Variants in PHACTR1 observed in about 807,000 individuals in gnomAD.
The protein encoded by PHACTR1 is phosphatase and actin regulator 1.
A neutral mutation model predicts 69.2 loss-of-function variants in PHACTR1; 16 were observed. The observed-to-expected ratio is 0.23, with a 90% CI of 0.16 to 0.35. The LOEUF (loss-of-function observed/expected upper bound fraction) is 0.35, where lower values mean the gene tolerates loss of function less well. Among genes scored for constraint, PHACTR1 ranks in the 10% least tolerant of loss-of-function variants. PHACTR1 has a pLI of 1.00. For synonymous variants in PHACTR1, 312 were observed against 284.5 expected, an observed-to-expected ratio of 1.10 and a Z score of -0.97; for missense variants, 510 against 734.7, an observed-to-expected ratio of 0.69 and a Z score of 3.54.
chr6:13,138,961 C>T (rs778134015), intron 5 of PHACTR1, among the ~76,000 whole-genome samples: 2 of 152,112 alleles, frequency 1.3e-5, no homozygotes, highest in East Asian at 1.9e-4. Flanking sequence ...TATAAGCTTA[C>T]GTTGATTTTC....
At chr6:12,818,232 G>A (rs1358832318) in intron 4 of PHACTR1, among the ~76,000 whole-genome samples, 4 of 152,170 alleles carry the variant, frequency 2.6e-5, no homozygotes, top group Non-Finnish European at 5.9e-5. Flanking sequence ...TCAGGAATCT[G>A]TGACTTGGCT....
chr6:12,811,398 C>T (rs748513070), intron 4 of PHACTR1, among the ~76,000 whole-genome samples: 93 of 152,200 alleles, frequency 6.1e-4, no homozygotes, highest in Middle Eastern at 6.8e-3. Flanking sequence ...CTGAAAATAA[C>T]TTGTGGGTTT....
At chr6:12,986,939 G>A (rs1484730378) in intron 4 of PHACTR1, among the ~76,000 whole-genome samples, 1 of 152,092 alleles carries the variant, frequency 6.6e-6, no homozygotes, top group Admixed American at 6.6e-5. Context: ...ATGCTAATAG[G>A]GGCTACCTCA....
At chr6:12,794,346 C>G (rs1174059288) in intron 4 of PHACTR1, among the ~76,000 whole-genome samples, 1 of 152,152 alleles carries the variant, frequency 6.6e-6, no homozygotes, top group Non-Finnish European at 1.5e-5. Context: ...AAAGGAGGTG[C>G]CAGGGAAAGC....
At chr6:13,118,704 C>T (rs1259415556) in intron 5 of PHACTR1, among the ~76,000 whole-genome samples, 1 of 152,102 alleles carries the variant, frequency 6.6e-6, no homozygotes, top group Non-Finnish European at 1.5e-5. Context: ...ATCTCAAACT[C>T]CTGATCTCGT....
At chr6:12,760,858 G>A (rs369046072) in intron 4 of PHACTR1, among the ~76,000 whole-genome samples, 19 of 152,182 alleles carry the variant, frequency 1.2e-4, no homozygotes, top group Non-Finnish European at 1.8e-4. Flanking sequence ...ACTTGAATCC[G>A]GGAGGCGCAA....
At chr6:13,028,013 G>A (rs1033998187) in intron 4 of PHACTR1, among the ~76,000 whole-genome samples, 2 of 152,202 alleles carry the variant, frequency 1.3e-5, no homozygotes, top group African/African-American at 4.8e-5. Flanking sequence ...AAACTGAGCG[G>A]AACAAAGTTA....
At chr6:13,284,538 AAAAAAATATATATAT>A (rs1781100248) in intron 13 of PHACTR1, among the ~76,000 whole-genome samples, 2 of 91,804 alleles carry the variant, frequency 2.2e-5, no homozygotes, top group Non-Finnish European at 4.0e-5. Context: ...AAAAAAAAAA[AAAAAAATATATATAT>A]ATATATATAT....
chr6:12,864,496 C>T (rs993147110), intron 4 of PHACTR1, among the ~76,000 whole-genome samples: 5 of 152,182 alleles, frequency 3.3e-5, no homozygotes, highest in South Asian at 2.1e-4. Context: ...CTGGCTAACA[C>T]GCTGAAACCC....
intron 4 of PHACTR1, among the ~76,000 whole-genome samples, chr6:12,886,631 T>C (rs1362889411): frequency 1.3e-5 from 2 of 152,068 alleles, no homozygotes; most frequent in East Asian, 1.9e-4. Flanking sequence ...CAGTGCATGG[T>C]TGGGGAAGAA....
chr6:12,755,393 C>T (rs1483747839), intron 4 of PHACTR1, among the ~76,000 whole-genome samples: 1 of 152,126 alleles, frequency 6.6e-6, no homozygotes, highest in Non-Finnish European at 1.5e-5. Flanking sequence ...TCTGAAGTCC[C>T]ATTCAATCTA....
intron 5 of PHACTR1, among the ~76,000 whole-genome samples, chr6:13,054,300 G>A (rs991413157): frequency 3.3e-5 from 5 of 152,226 alleles, no homozygotes; most frequent in African/African-American, 1.2e-4. Context: ...AAGTAAGGGT[G>A]TGCAGAGGGA....
intron 6 of PHACTR1, among the ~76,000 whole-genome samples, chr6:13,176,142 G>A (rs1275122191): frequency 2.0e-5 from 3 of 152,122 alleles, no homozygotes; most frequent in Non-Finnish European, 4.4e-5. Flanking sequence ...AGCTATTATT[G>A]TTTTAGTGTA....
intron 8 of PHACTR1, among the ~76,000 whole-genome samples, chr6:13,209,731 G>T (rs1274917453): frequency 6.6e-6 from 1 of 152,178 alleles, no homozygotes; most frequent in Non-Finnish European, 1.5e-5. Context: ...GCTCCAACAG[G>T]ACGTTCCCCA....
At chr6:12,758,106 T>C (rs1581619639) in intron 4 of PHACTR1, among the ~76,000 whole-genome samples, 1 of 151,456 alleles carries the variant, frequency 6.6e-6, no homozygotes, top group Admixed American at 6.6e-5. Context: ...AGTGAAACTC[T>C]GTCTCAAAAA....
chr6:12,828,335 T>C (rs1193850349), intron 4 of PHACTR1, among the ~76,000 whole-genome samples: 1 of 152,228 alleles, frequency 6.6e-6, no homozygotes, highest in Non-Finnish European at 1.5e-5. Context: ...TGTTTATATG[T>C]ATTCAGTATA....
intron 4 of PHACTR1, among the ~76,000 whole-genome samples, chr6:12,753,963 T>TATATATAC (rs1766945775): frequency 8.3e-6 from 1 of 120,898 alleles, no homozygotes; most frequent in African/African-American, 2.9e-5. Context: ...TATATATATA[T>TATATATAC]ATATATATTT....
At chr6:12,959,202 A>AAAAAG (rs1562056487) in intron 4 of PHACTR1, among the ~76,000 whole-genome samples, 28 of 69,060 alleles carry the variant, frequency 4.1e-4, no homozygotes, top group African/African-American at 1.9e-3. Flanking sequence ...AAAAGAAAAG[A>AAAAAG]AAAAAAAAAG....
At chr6:13,071,256 A>G (rs1809482486) in intron 5 of PHACTR1, among the ~76,000 whole-genome samples, 1 of 152,014 alleles carries the variant, frequency 6.6e-6, no homozygotes, top group Non-Finnish European at 1.5e-5. Context: ...GTAAAACCCC[A>G]TCTCTACTAA....
Sources: gnomAD v4.1 joint callset for allele counts (sites outside exome capture counted in the v4.1 genomes callset) on GRCh38, gnomAD v4.1.1 for gene constraint, MANE v1.5 for transcripts, NCBI Gene and HGNC (gene_info 2026-07-23, HGNC 2026-07-21) for gene names.